The following PIK3C2G variants were observed in gnomAD, a reference collection of about 807,000 sequenced individuals.
PIK3C2G encodes phosphatidylinositol-4-phosphate 3-kinase catalytic subunit type 2 gamma, also known as phosphatidylinositol 3-kinase C2 domain-containing subunit gamma.
PIK3C2G carries 168 observed loss-of-function variants against 181.1 expected under a neutral mutation model. The observed-to-expected ratio is 0.93, with a 90% confidence interval of 0.82 to 1.05. The LOEUF (loss-of-function observed/expected upper bound fraction) is 1.05. Among genes scored for constraint, PIK3C2G ranks in the 50% least tolerant of loss-of-function variants. PIK3C2G has a pLI of 0.00. For missense variants in PIK3C2G, 1,869 were observed against 1,732.8 expected (o/e 1.08, Z -1.40); for synonymous variants, 573 against 592.2 (o/e 0.97, Z 0.47).
At position 18,647,933 on chromosome 12, in the gene PIK3C2G, A is replaced by G. The variant is rs1950234873; in HGVS notation, c.4366A>G (p.Ser1456Gly). The G allele has an allele frequency of 6.3e-7, 1 of 1,599,594 alleles. No individual in the cohort carries two copies. Among genetic ancestry groups the G allele is most frequent in the Non-Finnish European group, 8.5e-7 (1 of 1,170,930 alleles). Residue 1456 changes from serine to glycine, a missense_variant, in exon 33 of 33, where the codon AGT (serine) becomes GGT (glycine). Ser to Gly is a moderately conservative substitution (Grantham distance 56, BLOSUM62 0). Coordinates refer to ENST00000538779, the MANE Select transcript of PIK3C2G (RefSeq NM_001288772.2). Reference sequence around the variant, plus strand: ...ACATGTCTTAATGCTTATTGTGAAGAGTAAAACTGTATTTGTGGGAGCAAT... The same window carrying G: ...ACATGTCTTAATGCTTATTGTGAAGGGTAAAACTGTATTTGTGGGAGCAAT... ...QGHVLMLIVKSKTVFVGAINI... is the reference protein window; with the variant it reads ...QGHVLMLIVKGKTVFVGAINI...
chr12:18,556,008 A>C (rs1944991471), intron 26 of PIK3C2G, among the ~76,000 whole-genome samples: 1 of 152,154 alleles, frequency 6.6e-6, no homozygotes, highest in African/African-American at 2.4e-5. Context: ...ACTACCTGCC[A>C]AGGGATATAT....
chr12:18,666,725 A>G, the PIK3C2G span, among the ~76,000 whole-genome samples: 2 of 152,224 alleles, frequency 1.3e-5, no homozygotes, highest in Non-Finnish European at 2.9e-5. Flanking sequence ...AGACATATAT[A>G]GAACACATCA....
At chr12:18,725,720 G>A in the PIK3C2G span, among the ~76,000 whole-genome samples, 6 of 152,066 alleles carry the variant, frequency 3.9e-5, no homozygotes, top group African/African-American at 1.4e-4. Flanking sequence ...CTCTGAATTA[G>A]TTGCAGTACA....
chr12:18,358,268 G>A (rs1592053424), intron 11 of PIK3C2G, among the ~76,000 whole-genome samples: 1 of 152,204 alleles, frequency 6.6e-6, no homozygotes, highest in African/African-American at 2.4e-5. Context: ...ACCGGAAGTA[G>A]TCCACTAGGC....
intron 6 of PIK3C2G, among the ~76,000 whole-genome samples, chr12:18,316,198 G>C (rs1950853295): frequency 6.6e-6 from 1 of 152,126 alleles, no homozygotes; most frequent in African/African-American, 2.4e-5. Flanking sequence ...AAATAAGGGT[G>C]ATGAGATCAG....
At chr12:18,713,026 C>G in the PIK3C2G span, 1 of 1,610,154 alleles carries the variant, frequency 6.2e-7, no homozygotes, top group Non-Finnish European at 8.5e-7. Flanking sequence ...ACTCCTGGAC[C>G]ATTAAAAATA....
chr12:18,699,207 C>T, the PIK3C2G span, among the ~76,000 whole-genome samples: 4 of 152,162 alleles, frequency 2.6e-5, no homozygotes, highest in East Asian at 1.9e-4. Context: ...CCAGCCTGGG[C>T]GCCATTTCTT....
At chr12:18,705,208 A>T in the PIK3C2G span, 7 of 1,613,968 alleles carry the variant, frequency 4.3e-6, no homozygotes, top group Non-Finnish European at 5.9e-6. Flanking sequence ...CAAGCATATC[A>T]GAAAGCAAGG....
chr12:18,548,903 CCT>C (rs1426266335), intron 26 of PIK3C2G, among the ~76,000 whole-genome samples: 1 of 152,008 alleles, frequency 6.6e-6, no homozygotes, highest in African/African-American at 2.4e-5. Context: ...CTACCCGCCC[CCT>C]GTCTCCATTA....
intron 30 of PIK3C2G, among the ~76,000 whole-genome samples, chr12:18,595,804 T>A (rs1947329924): frequency 6.6e-6 from 1 of 152,110 alleles, no homozygotes; most frequent in African/African-American, 2.4e-5. Context: ...CATCCCCACA[T>A]TTTTATTTTG....
chr12:18,279,327 T>A (rs2137104979), intron 1 of PIK3C2G, among the ~76,000 whole-genome samples: 1 of 152,168 alleles, frequency 6.6e-6, no homozygotes, highest in South Asian at 2.1e-4. Context: ...CATGTGAATA[T>A]CTACATATCT....
chr12:18,392,216 GAGTA>G (rs1207054690), intron 15 of PIK3C2G, among the ~76,000 whole-genome samples: 1 of 152,052 alleles, frequency 6.6e-6, no homozygotes, highest in Non-Finnish European at 1.5e-5. Context: ...TAGAATTTTG[GAGTA>G]AGTCCCTTAA....
At chr12:18,333,532 C>A (rs1279238075) in intron 8 of PIK3C2G, among the ~76,000 whole-genome samples, 1 of 151,974 alleles carries the variant, frequency 6.6e-6, no homozygotes, top group African/African-American at 2.4e-5. Context: ...TGAGAACATG[C>A]GGTGTTAGGT....
chr12:18,619,730 G>A (rs1592729825), intron 31 of PIK3C2G, among the ~76,000 whole-genome samples: 1 of 135,320 alleles, frequency 7.4e-6, no homozygotes, highest in East Asian at 2.3e-4. Context: ...AACATACTTC[G>A]TATGATTTTA....
At chr12:18,426,917 C>T (rs1945850364) in intron 18 of PIK3C2G, among the ~76,000 whole-genome samples, 1 of 152,106 alleles carries the variant, frequency 6.6e-6, no homozygotes, top group Admixed American at 6.6e-5. Context: ...TGGCATGAGG[C>T]CCTTCCATGA....
At chr12:18,683,657 A>T in the PIK3C2G span, 1 of 1,323,756 alleles carries the variant, frequency 7.6e-7, no homozygotes, top group South Asian at 1.2e-5. Context: ...GCATATTGAG[A>T]CAAGGTAATT....
rs566621854 is a variant in PIK3C2G at position 18,557,985 on chromosome 12, G to A, written c.3591-4718G>A. On this transcript the variant is annotated intron_variant, in intron 26 of 32. Coordinates refer to ENST00000538779, the MANE Select transcript of PIK3C2G (RefSeq NM_001288772.2). ...CAAAATCCTTACCTATTGGTTTTGTGTGTGGGTGAACTTGATAAGCTAATT... is the reference window on the plus strand; with the variant it reads ...CAAAATCCTTACCTATTGGTTTTGTATGTGGGTGAACTTGATAAGCTAATT... Among the ~76,000 whole-genome samples, 6 of 152,214 alleles carry A rather than the reference G, an allele frequency of 3.9e-5. No individual in the cohort carries two copies. In the South Asian group the frequency reaches 1.2e-3, roughly 32 times the overall value.
intron 11 of PIK3C2G, chr12:18,358,716 A>C (rs969619582): frequency 2.2e-6 from 1 of 454,958 alleles, no homozygotes; most frequent in Admixed American, 2.6e-5. Context: ...AAAGAGCTTC[A>C]GCCTTGATTC....
chr12:18,661,723 G>A, the PIK3C2G span, among the ~76,000 whole-genome samples: 60,429 of 151,912 alleles, frequency 0.4, 14,199 homozygotes, highest in South Asian at 0.59. Flanking sequence ...AGCCATTGTG[G>A]AAAGCAGTTT....
Sources: allele counts gnomAD v4.1 joint callset (sites outside exome capture counted in the v4.1 genomes callset), GRCh38; gene constraint gnomAD v4.1.1; transcripts MANE v1.5; gene names NCBI Gene and HGNC (gene_info 2026-07-23, HGNC 2026-07-21).